Variants in DLGAP2 observed in about 807,000 individuals in gnomAD.
The protein encoded by DLGAP2 is DLG associated protein 2, also known as disks large-associated protein 2.
In DLGAP2, 26 loss-of-function variants were observed where a neutral mutation model predicts 100.3. That is an observed-to-expected ratio of 0.26 (90% CI 0.19 to 0.36). The LOEUF is 0.36. Ranked by LOEUF, DLGAP2 falls within the 10% of genes least tolerant of loss-of-function variation. The probability of loss-of-function intolerance (pLI) is 1.00; values close to 1 mark genes in which losing one functional copy is unlikely to be tolerated. For synonymous variants in DLGAP2, 886 were observed against 630.1 expected, an observed-to-expected ratio of 1.41 and a Z score of -6.08; for missense variants, 1,858 against 1,453.2, an observed-to-expected ratio of 1.28 and a Z score of -4.53.
At chr8:1,432,789 C>T (rs1009638653) in intron 3 of DLGAP2, among the ~76,000 whole-genome samples, 5 of 152,176 alleles carry the variant, frequency 3.3e-5, no homozygotes, top group African/African-American at 4.8e-5. Flanking sequence ...CCCGCGATCG[C>T]GTGTTTGGAT....
intron 6 of DLGAP2, among the ~76,000 whole-genome samples, chr8:1,589,954 A>C (rs1181500196): frequency 1.3e-5 from 2 of 152,208 alleles, no homozygotes; most frequent in Non-Finnish European, 2.9e-5. Flanking sequence ...GGCTTAAAAC[A>C]ATAGAAATTT....
intron 2 of DLGAP2, among the ~76,000 whole-genome samples, chr8:1,222,067 T>C (rs557502720): frequency 1.3e-5 from 2 of 152,340 alleles, no homozygotes; most frequent in African/African-American, 4.8e-5. Context: ...AGATTCTGAA[T>C]TCCATGTCTG....
At chr8:1,108,836 A>C (rs1182106856) in intron 2 of DLGAP2, among the ~76,000 whole-genome samples, 1 of 99,360 alleles carries the variant, frequency 1.0e-5, no homozygotes, top group Non-Finnish European at 2.0e-5. Flanking sequence ...GTGCCTATGA[A>C]GTGTGCTGGG....
At chr8:873,285 T>C (rs1797632867) in intron 1 of DLGAP2, among the ~76,000 whole-genome samples, 1 of 152,178 alleles carries the variant, frequency 6.6e-6, no homozygotes, top group African/African-American at 2.4e-5. Context: ...GAAATAGAGG[T>C]AGTTTTATGA....
intron 2 of DLGAP2, among the ~76,000 whole-genome samples, chr8:1,135,398 C>T (rs967460210): frequency 1.3e-4 from 20 of 151,738 alleles, no homozygotes; most frequent in African/African-American, 4.8e-4. Context: ...GGGGAAAGAG[C>T]CTTTGAGGGT....
At chr8:1,258,616 T>C (rs1389095882) in intron 2 of DLGAP2, among the ~76,000 whole-genome samples, 4 of 151,714 alleles carry the variant, frequency 2.6e-5, no homozygotes, top group African/African-American at 9.7e-5. Context: ...TTTTTTTTAA[T>C]TCTCAAAAGT....
At chr8:1,568,242 C>A (rs996360191) in intron 6 of DLGAP2, among the ~76,000 whole-genome samples, 1 of 127,860 alleles carries the variant, frequency 7.8e-6, no homozygotes, top group Non-Finnish European at 1.6e-5. Flanking sequence ...CAAATCCACT[C>A]TGCCCATGGC....
chr8:1,281,332 G>T lies in DLGAP2; in HGVS notation c.106+22449G>T, dbSNP rs1003658695. Among the ~76,000 whole-genome samples, 5 of 152,268 alleles carry T rather than the reference G, an allele frequency of 3.3e-5. 1 individual carries two copies. The highest frequency in any genetic ancestry group is 4.2e-4 in the South Asian group (2 of 4,818). ...GGAGGTGCCTCCGCCCCTCGCTCCCGGCGAAGGCAGCCTCTTGGTGGCTTT... is the reference window on the plus strand; with the variant it reads ...GGAGGTGCCTCCGCCCCTCGCTCCCTGCGAAGGCAGCCTCTTGGTGGCTTT... On this transcript the variant is annotated intron_variant, in intron 3 of 14. Coordinates refer to ENST00000637795, the MANE Select transcript of DLGAP2 (RefSeq NM_001346810.2).
intron 2 of DLGAP2, among the ~76,000 whole-genome samples, chr8:1,042,812 G>A (rs1802395644): frequency 8.9e-6 from 1 of 112,298 alleles, no homozygotes; most frequent in Non-Finnish European, 1.9e-5. Flanking sequence ...GGTGTGGGTG[G>A]TGGATGTGGG....
chr8:1,130,310 T>C (rs1796263214), intron 2 of DLGAP2, among the ~76,000 whole-genome samples: 1 of 152,192 alleles, frequency 6.6e-6, no homozygotes, highest in African/African-American at 2.4e-5. Flanking sequence ...TTTTTTGGTA[T>C]AGATGTGATT....
At chr8:752,252 G>A (rs1330582049) in intron 1 of DLGAP2, among the ~76,000 whole-genome samples, 5 of 152,228 alleles carry the variant, frequency 3.3e-5, no homozygotes, top group Admixed American at 6.5e-5. Context: ...AGCAGAGAGG[G>A]AGAGGAGAGA....
At chr8:1,137,983 C>CGCCTCA (rs1202656202) in intron 2 of DLGAP2, among the ~76,000 whole-genome samples, 1 of 152,104 alleles carries the variant, frequency 6.6e-6, no homozygotes, top group East Asian at 1.9e-4. Flanking sequence ...GCAATCCACC[C>CGCCTCA]GCCTCAGCCT....
At chr8:1,370,791 G>A (rs1802219080) in intron 3 of DLGAP2, among the ~76,000 whole-genome samples, 1 of 152,170 alleles carries the variant, frequency 6.6e-6, no homozygotes, top group African/African-American at 2.4e-5. Context: ...TGCCTGGCCT[G>A]GGGCAAGTTC....
In DLGAP2 at chr8:1,496,999, C is replaced by T. The variant is rs74894576; in HGVS notation, c.107-4367C>T. 2.5e-3 allele frequency among the ~76,000 whole-genome samples: 378 copies of T among 152,180 alleles called. 3 individuals carry two copies. Among genetic ancestry groups the T allele is most frequent in the African/African-American group, 8.8e-3 (367 of 41,520 alleles). On this transcript the variant is annotated intron_variant, in intron 3 of 14. Transcript: ENST00000637795. ...GTCACACGTTATGGAATATGGTTTA[C>T]GGGGTCTCCAGGTCACACGTTATGG...
At chr8:1,468,687 C>T (rs1039535031) in intron 3 of DLGAP2, among the ~76,000 whole-genome samples, 2 of 152,186 alleles carry the variant, frequency 1.3e-5, no homozygotes, top group Non-Finnish European at 2.9e-5. Flanking sequence ...AAACGTGACT[C>T]CAGCCTGGGC....
chr8:1,092,526 C>T (rs1427010654), intron 2 of DLGAP2, among the ~76,000 whole-genome samples: 1 of 152,188 alleles, frequency 6.6e-6, no homozygotes, highest in Non-Finnish European at 1.5e-5. Flanking sequence ...GGTCTGGGGT[C>T]TCCTGGCAGG....
chr8:1,666,968 G>A (rs977071726), intron 8 of DLGAP2, among the ~76,000 whole-genome samples: 4 of 152,146 alleles, frequency 2.6e-5, no homozygotes, highest in Non-Finnish European at 4.4e-5. Flanking sequence ...ACTGCTGCTC[G>A]GTCTGTCCTC....
At chr8:987,848 G>C (rs751134816) in intron 2 of DLGAP2, among the ~76,000 whole-genome samples, 6 of 152,138 alleles carry the variant, frequency 3.9e-5, no homozygotes, top group Non-Finnish European at 8.8e-5. Flanking sequence ...AGATAAAAAG[G>C]ATCCTCTCTT....
chr8:964,248 G>T (rs1799793147), intron 2 of DLGAP2, among the ~76,000 whole-genome samples: 1 of 152,154 alleles, frequency 6.6e-6, no homozygotes, highest in African/African-American at 2.4e-5. Flanking sequence ...CCTGTGTCTA[G>T]GTGGACTCTC....
Sources: allele counts gnomAD v4.1 joint callset (sites outside exome capture counted in the v4.1 genomes callset), GRCh38; gene constraint gnomAD v4.1.1; transcripts MANE v1.5; gene names NCBI Gene and HGNC (gene_info 2026-07-23, HGNC 2026-07-21).